Variants in PHTF2 observed in about 807,000 individuals in gnomAD.
The protein encoded by PHTF2 is protein PHTF2.
Under a neutral mutation model 101.2 loss-of-function variants are expected in PHTF2, and 60 were observed. The observed-to-expected ratio is 0.59, with a 90% CI of 0.48 to 0.73. The LOEUF (loss-of-function observed/expected upper bound fraction) is 0.73, where lower values mean the gene tolerates loss of function less well. Among genes scored for constraint, PHTF2 ranks in the 30% least tolerant of loss-of-function variants. The pLI is 0.00. For synonymous variants in PHTF2, 311 were observed against 307.3 expected (o/e 1.01, Z -0.13); for missense variants, 747 against 908.7 (o/e 0.82, Z 2.29).
chr7:77,826,671 C>T, intron 1 of PHTF2, among the ~76,000 whole-genome samples: 1 of 152,190 alleles, frequency 6.6e-6, no homozygotes, highest in East Asian at 1.9e-4. Flanking sequence ...TTGGCCACAT[C>T]TAACTGCAAG....
chr7:77,841,907 C>T (rs546022947), intron 2 of PHTF2, among the ~76,000 whole-genome samples: 128 of 152,196 alleles, frequency 8.4e-4, no homozygotes, highest in African/African-American at 2.8e-3. Flanking sequence ...TTTCTATCTA[C>T]GGGAGTAATA....
chr7:77,923,679 G>T (rs1803692700), intron 11 of PHTF2: 1 of 985,160 alleles, frequency 1.0e-6, no homozygotes, highest in Non-Finnish European at 1.2e-6. Context: ...AGTGTTTCTT[G>T]TTCCTAAGCC....
At chr7:77,862,549 C>G (rs1330896800) in intron 3 of PHTF2, among the ~76,000 whole-genome samples, 1 of 152,146 alleles carries the variant, frequency 6.6e-6, no homozygotes, top group Non-Finnish European at 1.5e-5. Flanking sequence ...GTAGTTTACA[C>G]AGGTATGAGG....
At chr7:77,900,951 G>A (rs1157899201) in intron 6 of PHTF2, among the ~76,000 whole-genome samples, 171 bp downstream of exon 5, 3 of 152,238 alleles carry the variant, frequency 2.0e-5, no homozygotes, top group Non-Finnish European at 4.4e-5. Context: ...TCTGCAGGCT[G>A]TACAGAAATC....
chr7:77,927,602 A>T (rs1393408373), intron 11 of PHTF2, among the ~76,000 whole-genome samples: 1 of 152,230 alleles, frequency 6.6e-6, no homozygotes, highest in African/African-American at 2.4e-5. Context: ...CATCTCAAAA[A>T]ATAGTAATAA....
chr7:77,852,331 A>G (rs1385916109), intron 2 of PHTF2, among the ~76,000 whole-genome samples: 1 of 152,224 alleles, frequency 6.6e-6, no homozygotes, highest in Non-Finnish European at 1.5e-5. Flanking sequence ...ATCTCTACTA[A>G]AAATAGAAAA....
intron 12 of PHTF2, among the ~76,000 whole-genome samples, chr7:77,931,092 G>C (rs1584747764): frequency 6.6e-6 from 1 of 152,160 alleles, no homozygotes; most frequent in African/African-American, 2.4e-5. Context: ...CTATATGGTT[G>C]TGAGTCAAAT....
At chr7:77,902,298 T>C (rs1227867805) in intron 7 of PHTF2, among the ~76,000 whole-genome samples, 3 of 152,226 alleles carry the variant, frequency 2.0e-5, no homozygotes, top group African/African-American at 7.2e-5. Context: ...TTTACCACCG[T>C]GATGTGAGCT....
At chr7:77,884,286 G>A (rs1799641225) in intron 3 of PHTF2, among the ~76,000 whole-genome samples, 1 of 152,188 alleles carries the variant, frequency 6.6e-6, no homozygotes, top group South Asian at 2.1e-4. Flanking sequence ...GTTACATGAT[G>A]AATTATATAG....
chr7:77,915,517 C>T (rs1802829028), intron 9 of PHTF2, among the ~76,000 whole-genome samples: 2 of 152,082 alleles, frequency 1.3e-5, no homozygotes, highest in Admixed American at 1.3e-4. Context: ...GGCTTGTTTT[C>T]TCATTATTTT....
At chr7:77,807,386 A>G (rs1793076788) in intron 1 of PHTF2, among the ~76,000 whole-genome samples, 1 of 151,824 alleles carries the variant, frequency 6.6e-6, no homozygotes, top group African/African-American at 2.4e-5. Flanking sequence ...TTTTTTTATG[A>G]TAGCCATCCT....
At chr7:77,851,623 A>T (rs533315506) in intron 2 of PHTF2, among the ~76,000 whole-genome samples, 2 of 145,994 alleles carry the variant, frequency 1.4e-5, no homozygotes, top group African/African-American at 5.1e-5. Context: ...TTTTGGAGAC[A>T]GATCTCACTG....
intron 5 of PHTF2, among the ~76,000 whole-genome samples, chr7:77,898,601 T>C (rs1037737183): frequency 6.6e-6 from 1 of 152,174 alleles, no homozygotes; most frequent in Non-Finnish European, 1.5e-5. Flanking sequence ...TTGGGGTAGC[T>C]ATGTTCTATA....
chr7:77,931,525 T>A (rs1268359296), intron 12 of PHTF2, among the ~76,000 whole-genome samples: 1 of 152,202 alleles, frequency 6.6e-6, no homozygotes, highest in African/African-American at 2.4e-5. Context: ...AACAATTAGA[T>A]ACTACTTAAT....
chr7:77,920,542 G>T, intron 10 of PHTF2, 77 bp downstream of exon 9: 1 of 996,836 alleles, frequency 1.0e-6, no homozygotes. Context: ...TATAGTAGTT[G>T]CCCTTGAACT....
chr7:77,829,486 T>G (rs1478990689), intron 1 of PHTF2, among the ~76,000 whole-genome samples: 1 of 152,246 alleles, frequency 6.6e-6, no homozygotes, highest in Non-Finnish European at 1.5e-5. Context: ...CTTTCAAATA[T>G]TTCCATGAAA....
intron 17 of PHTF2, among the ~76,000 whole-genome samples, chr7:77,950,811 C>A (rs750890391): frequency 6.6e-6 from 1 of 152,166 alleles, no homozygotes; most frequent in Non-Finnish European, 1.5e-5. Context: ...GGTTTACACA[C>A]GGTTTTGGTT....
At position 77,956,830 on chromosome 7, in the gene PHTF2, T is replaced by C. The variant is rs572916883; in HGVS notation, c.*1952T>C. The C allele has an allele frequency of 3.3e-5, 5 of 152,454 alleles. No homozygotes were observed. In the East Asian group the frequency reaches 9.6e-4, roughly 29 times the overall value. 9.4% of individuals were successfully genotyped at this position (152,454 alleles called of 1,614,324 possible). ...TGGAAATATTTTTGAGAAAAGTAGC[T>C]GAGTATACTGGTTTAAGAAAATGCT... On this transcript the variant is annotated 3_prime_UTR_variant, in exon 20 of 20. Transcript: ENST00000416283.
At chr7:77,901,144 AG>A (rs1377012300) in intron 6 of PHTF2, among the ~76,000 whole-genome samples, 3 of 152,218 alleles carry the variant, frequency 2.0e-5, no homozygotes, top group Non-Finnish European at 4.4e-5. Context: ...TCAAGCCATG[AG>A]GGCTTCACCC....
Sources: allele counts gnomAD v4.1 joint callset (sites outside exome capture counted in the v4.1 genomes callset), GRCh38; gene constraint gnomAD v4.1.1; transcripts MANE v1.5; gene names NCBI Gene and HGNC (gene_info 2026-07-23, HGNC 2026-07-21).